LEMD1: variants seen among roughly 807,000 people sequenced by gnomAD.
LEMD1 encodes LEM domain-containing protein 1.
In LEMD1, 18 loss-of-function variants were observed where a neutral mutation model predicts 17.4. The observed-to-expected ratio is 1.04, with a 90% CI of 0.72 to 1.54. The LOEUF (loss-of-function observed/expected upper bound fraction) is 1.54, where lower values mean the gene tolerates loss of function less well. Among genes scored for constraint, LEMD1 ranks in the 40% most tolerant of loss-of-function variants. The pLI is 0.00. For missense variants in LEMD1, 195 were observed against 210.4 expected (o/e 0.93, Z 0.45); for synonymous variants, 88 against 77.8 (o/e 1.13, Z -0.69).
chr1:205,412,809 G>C (rs917203991), intron 4 of LEMD1, among the ~76,000 whole-genome samples: 1 of 152,024 alleles, frequency 6.6e-6, no homozygotes, highest in Non-Finnish European at 1.5e-5. Context: ...TCAAAATATC[G>C]ATGTGGTTTT....
At chr1:205,419,404 GC>G in intron 2 of LEMD1, 52 bp from the exon 3 acceptor site, 1 of 1,587,912 alleles carries the variant, frequency 6.3e-7, no homozygotes, top group South Asian at 1.1e-5. Flanking sequence ...TTGTATATGA[GC>G]CTACTAGGTT....
At chr1:205,386,064 C>T (rs1663996652) in intron 4 of LEMD1, 1 of 152,726 alleles carries the variant, frequency 6.5e-6, no homozygotes, top group Non-Finnish European at 1.5e-5. Flanking sequence ...CACGGAGCTA[C>T]TAGGAGAAAG....
intron 4 of LEMD1, among the ~76,000 whole-genome samples, chr1:205,389,133 C>T (rs946995946): frequency 6.8e-6 from 1 of 147,492 alleles, no homozygotes; most frequent in African/African-American, 2.5e-5. Flanking sequence ...ACTGCAACCT[C>T]CGCTTCCCGG....
intron 1 of LEMD1, among the ~76,000 whole-genome samples, chr1:205,442,839 C>A (rs1479493607): frequency 6.6e-6 from 1 of 152,162 alleles, no homozygotes; most frequent in Non-Finnish European, 1.5e-5. Flanking sequence ...CTGTGACAAA[C>A]CTAGAGAGAG....
At chr1:205,384,962 C>G (rs1345538557) in intron 4 of LEMD1, among the ~76,000 whole-genome samples, 2 of 151,672 alleles carry the variant, frequency 1.3e-5, no homozygotes, top group South Asian at 4.2e-4. Flanking sequence ...CCACCCCTAT[C>G]TAGTAAGCAC....
In LEMD1 at chr1:205,448,268, C is replaced by A; in HGVS notation, c.-39+1600G>T. ...TGCCCCTTGGTGGCTGGCTCCGAAC[C>A]TGGTCCCATGGGAGGTGCAGCTGCG... is the stretch of plus-strand genomic sequence containing the variant. On this transcript the variant is annotated intron_variant, in intron 1 of 3. Coordinates refer to the LEMD1 transcript ENST00000367154. The surrounding 1 kb of genome is among the most constrained non-coding windows in gnomAD (Gnocchi z 4.7). 1 of 512,676 alleles carries A rather than the reference C, an allele frequency of 2.0e-6. No homozygotes were observed. Among genetic ancestry groups the A allele is most frequent in the South Asian group, 1.4e-5 (1 of 70,786 alleles). The allele number at this position is 512,676 out of a possible 1,614,324, so 31.8% of individuals were successfully genotyped here.
At chr1:205,424,013 C>T (rs560121305), upstream of LEMD1, among the ~76,000 whole-genome samples, 40 of 152,276 alleles carry the variant, frequency 2.6e-4, no homozygotes, top group Non-Finnish European at 5.1e-4. Context: ...TCAGGTTTGA[C>T]GTGGGGCACA....
intron 4 of LEMD1, among the ~76,000 whole-genome samples, chr1:205,390,561 G>A (rs1353951822): frequency 6.6e-6 from 1 of 152,130 alleles, no homozygotes; most frequent in East Asian, 1.9e-4. Context: ...AGCCAGCACA[G>A]TAAAACAAAA....
At chr1:205,407,100 G>C (rs1458133986) in intron 4 of LEMD1, among the ~76,000 whole-genome samples, 5 of 152,146 alleles carry the variant, frequency 3.3e-5, no homozygotes, top group African/African-American at 1.2e-4. Flanking sequence ...GAGAGCCTGA[G>C]GCGGGTGGAT....
At chr1:205,429,697 C>T (rs1336473989) in intron 1 of LEMD1, among the ~76,000 whole-genome samples, 2 of 151,984 alleles carry the variant, frequency 1.3e-5, no homozygotes, top group Non-Finnish European at 2.9e-5. Context: ...GACTCCTCTA[C>T]TCTCCTTAGC....
intron 4 of LEMD1, among the ~76,000 whole-genome samples, chr1:205,389,875 T>C (rs1664244876): frequency 6.6e-6 from 1 of 152,250 alleles, no homozygotes; most frequent in Non-Finnish European, 1.5e-5. Context: ...TCTATAATCT[T>C]AGCAGACTTT....
chr1:205,421,877 C>G (rs1041974119), intron 1 of LEMD1, 113 bp downstream of exon 1: 4 of 152,192 alleles, frequency 2.6e-5, no homozygotes, highest in Non-Finnish European at 4.4e-5. Context: ...CAAAAATAAC[C>G]TCCAATAGAG....
intron 4 of LEMD1, among the ~76,000 whole-genome samples, chr1:205,392,350 C>T (rs981806634): frequency 6.6e-6 from 1 of 150,730 alleles, no homozygotes; most frequent in Non-Finnish European, 1.5e-5. Context: ...ACAGCCTGCG[C>T]AGCAAAGCAA....
At position 205,411,383 on chromosome 1, in the gene LEMD1, T is replaced by G. The variant is rs569762267; in HGVS notation, c.270+4849A>C. 2.0e-3 allele frequency among the ~76,000 whole-genome samples: 309 copies of G among 151,894 alleles called. 1 individual carries two copies. The highest frequency in any genetic ancestry group is 3.6e-3 in the Non-Finnish European group (245 of 67,914). On this transcript the variant is annotated intron_variant, in intron 4 of 5. Coordinates refer to ENST00000367153, the MANE Select transcript of LEMD1 (RefSeq NM_001199050.2). ...GAGATCAAGACCACGATGAAACCCC[T>G]TCTCTACTAAAAATACAAAAATTTA...
intron 1 of LEMD1, among the ~76,000 whole-genome samples, chr1:205,444,192 G>A (rs1666344033): frequency 6.6e-6 from 1 of 151,890 alleles, no homozygotes; most frequent in Non-Finnish European, 1.5e-5. Flanking sequence ...ACAGCCCCCA[G>A]AAAAACAGAA....
intron 4 of LEMD1, among the ~76,000 whole-genome samples, chr1:205,402,913 G>A (rs2102389961): frequency 6.6e-6 from 1 of 152,056 alleles, no homozygotes; most frequent in Middle Eastern, 3.4e-3. Flanking sequence ...AGCATGAAGG[G>A]TTGTTGAATT....
intron 4 of LEMD1, among the ~76,000 whole-genome samples, chr1:205,389,208 C>T (rs1477145020): frequency 6.6e-6 from 1 of 151,872 alleles, no homozygotes; most frequent in African/African-American, 2.4e-5. Flanking sequence ...GCCACCATGC[C>T]TGGCTAATTT....
At chr1:205,424,388 C>A (rs1416345306), upstream of LEMD1, among the ~76,000 whole-genome samples, 2 of 152,154 alleles carry the variant, frequency 1.3e-5, no homozygotes, top group African/African-American at 2.4e-5. Flanking sequence ...TGGTTGGCAT[C>A]ATTGTTGAAA....
At chr1:205,397,957 G>A (rs1174215123) in intron 4 of LEMD1, among the ~76,000 whole-genome samples, 1 of 152,066 alleles carries the variant, frequency 6.6e-6, no homozygotes, top group African/African-American at 2.4e-5. Context: ...TCAGTGTTTG[G>A]TTCCACTATT....
Sources: gnomAD v4.1 joint callset for allele counts (sites outside exome capture counted in the v4.1 genomes callset) on GRCh38, gnomAD v4.1.1 for gene constraint, Gnocchi (gnomAD v3.1) non-coding constraint, MANE v1.5 for transcripts, NCBI Gene and HGNC (gene_info 2026-07-23, HGNC 2026-07-21) for gene names.